The following REV1 variants were observed in gnomAD, a reference collection of about 807,000 sequenced individuals.
REV1 encodes translesion synthesis protein REV1.
REV1 carries 42 observed loss-of-function variants against 137.4 expected under a neutral mutation model. The observed-to-expected ratio is 0.31, with a 90% CI of 0.24 to 0.40. REV1 has a LOEUF of 0.40. REV1 is among the 10% of genes least tolerant of loss of function. The pLI is 1.00. For synonymous variants in REV1, 524 were observed against 519.2 expected (o/e 1.01, Z -0.12); for missense variants, 1,282 against 1,490.1 (o/e 0.86, Z 2.30).
chr2:99,406,648 AT>A, intron 15 of REV1, 158 bp from the exon 16 acceptor site: 1 of 518,508 alleles, frequency 1.9e-6, no homozygotes. Flanking sequence ...TATATGACTT[AT>A]TACAAAAACA....
intron 3 of REV1, among the ~76,000 whole-genome samples, chr2:99,456,501 CA>C (rs1163620455): frequency 6.6e-6 from 1 of 152,156 alleles, no homozygotes; most frequent in Admixed American, 6.5e-5. Flanking sequence ...AACATTTGAG[CA>C]GAGATCTGAA....
intron 1 of REV1, among the ~76,000 whole-genome samples, chr2:99,485,659 T>A (rs565745686): frequency 3.9e-5 from 6 of 152,196 alleles, no homozygotes; most frequent in Non-Finnish European, 8.8e-5. Flanking sequence ...CTTCTACAGA[T>A]TGAAAAATAA....
rs976010612 is a variant in REV1, at chr2:99,444,963, T to C, written c.351-2494A>G. On this transcript the variant is annotated intron_variant, in intron 4 of 22. Coordinates refer to ENST00000258428, the MANE Select transcript of REV1 (RefSeq NM_016316.4). The stretch of plus-strand genomic sequence containing the variant: ...ATCCAAAAGATAATACTACACGGTT[T>C]CCTTATACACTGAGTTTTTTCATGT... Among the ~76,000 whole-genome samples the C allele has an allele frequency of 9.2e-5, 14 of 152,316 alleles. No individual in the cohort carries two copies. In the East Asian group the frequency reaches 2.5e-3, roughly 27 times the overall value.
intron 8 of REV1, chr2:99,432,002 C>T (rs749527050): frequency 4.7e-5 from 34 of 729,054 alleles, no homozygotes; most frequent in Non-Finnish European, 5.4e-5. Flanking sequence ...AACTGTTGTT[C>T]TTTAGAATGA....
Position 99,418,903 on chromosome 2 carries a change from G to A in REV1, c.1876C>T (p.Pro626Ser). The A allele has an allele frequency of 6.2e-7, 1 of 1,612,464 alleles. No homozygotes were observed. Among genetic ancestry groups the A allele is most frequent in the Non-Finnish European group, 8.5e-7 (1 of 1,178,942 alleles). The change falls in exon 12 of 23, where the codon CCA becomes TCA. Residue 626 changes from proline to serine, a missense_variant. Around this residue, in one of 7 missense-constraint regions of REV1, gnomAD observed 372 missense variants for 482.3 expected, o/e 0.77. Coordinates refer to ENST00000258428, the MANE Select transcript of REV1 (RefSeq NM_016316.4). Reference sequence around the variant, plus strand: ...GGTTTTAGGTGGTACTGCCCATCTGGTTTTGCTTTTCTAGTTGCCATTCTA... The same window carrying A: ...GGTTTTAGGTGGTACTGCCCATCTGATTTTGCTTTTCTAGTTGCCATTCTA... ...LARMATRKAK[P>S]DGQYHLKPEE... is the part of the protein sequence containing the mutation.
chr2:99,420,499 A>G (rs993569024), intron 11 of REV1, among the ~76,000 whole-genome samples: 2 of 152,072 alleles, frequency 1.3e-5, no homozygotes, highest in African/African-American at 4.8e-5. Flanking sequence ...TCTGAAAAAA[A>G]CCCTAACAAA....
rs553169033 is a variant in REV1 at position 99,453,109 on chromosome 2, C to T, written c.182-3605G>A. Among the ~76,000 whole-genome samples, 514 of 152,174 alleles carry T rather than the reference C, an allele frequency of 3.4e-3. 4 individuals are homozygous for T. The highest frequency in any genetic ancestry group is 0.011 in the African/African-American group (445 of 41,518). ...GGTGCAGTGGCTCACACCTGTAATC[C>T]CAGCACTCTGGGAGGCCAAGGGGGA... On this transcript the variant is annotated intron_variant, in intron 3 of 22. Coordinates refer to ENST00000258428, the MANE Select transcript of REV1 (RefSeq NM_016316.4).
intron 16 of REV1, 64 bp downstream of exon 16, chr2:99,406,257 AAACC>A (rs1490281053): frequency 6.7e-7 from 1 of 1,501,574 alleles, no homozygotes; most frequent in East Asian, 2.3e-5. Context: ...GTCAATTTTA[AAACC>A]AACTGCCGTC....
At chr2:99,419,255 A>C (rs1462765373) in intron 11 of REV1, among the ~76,000 whole-genome samples, 2 of 135,130 alleles carry the variant, frequency 1.5e-5, no homozygotes, top group African/African-American at 2.8e-5. Context: ...TCTGTTGCCC[A>C]AGCTGGAGTG....
intron 4 of REV1, among the ~76,000 whole-genome samples, chr2:99,445,180 A>G (rs1202433796): frequency 6.6e-6 from 1 of 152,150 alleles, no homozygotes; most frequent in Non-Finnish European, 1.5e-5. Context: ...GAGAGATAAA[A>G]TTGCAATCAA....
At chr2:99,440,022 G>C (rs1681279762) in intron 5 of REV1, among the ~76,000 whole-genome samples, 1 of 152,124 alleles carries the variant, frequency 6.6e-6, no homozygotes, top group African/African-American at 2.4e-5. Flanking sequence ...TTTACACCTA[G>C]AAAAATAAGG....
chr2:99,402,578 T>G, intron 21 of REV1, 66 bp downstream of exon 21: 3 of 1,470,682 alleles, frequency 2.0e-6, no homozygotes, highest in Non-Finnish European at 2.8e-6. Context: ...TTTAGTCTGT[T>G]TATGTTCTCA....
chr2:99,454,423 G>A (rs764612420), intron 3 of REV1, among the ~76,000 whole-genome samples: 1 of 151,636 alleles, frequency 6.6e-6, no homozygotes, highest in Non-Finnish European at 1.5e-5. Flanking sequence ...GGTGGCATGC[G>A]CCTGTAACTC....
intron 12 of REV1, among the ~76,000 whole-genome samples, chr2:99,415,242 G>A (rs1677688093): frequency 6.6e-6 from 1 of 152,154 alleles, no homozygotes; most frequent in African/African-American, 2.4e-5. Context: ...GACAAAGTAA[G>A]GGGGGCTCCG....
intron 13 of REV1, among the ~76,000 whole-genome samples, chr2:99,411,686 G>A (rs1045151801): frequency 2.7e-5 from 4 of 150,888 alleles, no homozygotes; most frequent in African/African-American, 9.9e-5. Context: ...TGGGATTACA[G>A]GTGTGAGCCA....
intron 1 of REV1, among the ~76,000 whole-genome samples, chr2:99,479,626 CA>C (rs771969836): frequency 4.6e-5 from 7 of 150,922 alleles, no homozygotes; most frequent in Non-Finnish European, 8.9e-5. Flanking sequence ...CTCATCTCTA[CA>C]AAAAAAATAA....
intron 3 of REV1, among the ~76,000 whole-genome samples, chr2:99,454,550 CAAAAAAAAA>C (rs373850478): frequency 2.1e-4 from 17 of 82,366 alleles, no homozygotes; most frequent in African/African-American, 3.0e-4. Context: ...AACTCCAGCT[CAAAAAAAAA>C]AAAAAAAAAA....
Position 99,439,014 on chromosome 2 carries a change from C to G in REV1, c.800G>C (p.Ser267Thr). The G allele has an allele frequency of 6.2e-7, 1 of 1,614,198 alleles. No homozygotes were observed. The highest frequency in any genetic ancestry group is 8.5e-7 in the Non-Finnish European group (1 of 1,180,040). The change falls in exon 6 of 23, where the codon AGC (serine) becomes ACC (threonine). Residue 267 changes from serine to threonine, a missense_variant. Transcript: ENST00000258428. ...FSQEEDKAEKSSTDFRDCTLQ... is the reference protein window; with the variant it reads ...FSQEEDKAEKTSTDFRDCTLQ... ...AGTGCAGTCTCTGAAATCAGTGCTG[C>G]TCTTCTCAGCCTTATCCTCCTCCTG...
chr2:99,466,002 C>G (rs1022477767), intron 1 of REV1, among the ~76,000 whole-genome samples: 3 of 152,132 alleles, frequency 2.0e-5, no homozygotes, highest in Non-Finnish European at 1.5e-5. Flanking sequence ...AGTGCAGTGG[C>G]GCAATCTCGG....
Sources: gnomAD v4.1 joint callset for allele counts (sites outside exome capture counted in the v4.1 genomes callset) on GRCh38, gnomAD v4.1.1 for gene constraint, gnomAD v4.1.1 regional missense constraint, MANE v1.5 for transcripts, NCBI Gene and HGNC (gene_info 2026-07-23, HGNC 2026-07-21) for gene names.